The following GPBP1L1 variants were observed in gnomAD, a reference collection of about 807,000 sequenced individuals.
GPBP1L1 encodes the protein vasculin-like protein 1.
Under a neutral mutation model 52.5 loss-of-function variants are expected in GPBP1L1, and 23 were observed. The ratio of observed to expected loss-of-function variants is 0.44; its 90% CI spans 0.32 to 0.62. GPBP1L1 has a LOEUF of 0.62. Among genes scored for constraint, GPBP1L1 ranks in the 20% least tolerant of loss-of-function variants. The pLI, the probability that GPBP1L1 is intolerant of heterozygous loss-of-function variation, is 0.06. For missense variants in GPBP1L1, 596 were observed against 579.3 expected, an observed-to-expected ratio of 1.03 and a Z score of -0.30; for synonymous variants, 243 against 203.1, an observed-to-expected ratio of 1.20 and a Z score of -1.67.
At chr1:45,660,162 T>C in intron 3 of GPBP1L1, 22 bp downstream of exon 3, 2 of 983,278 alleles carry the variant, frequency 2.0e-6, no homozygotes, top group Non-Finnish European at 2.4e-6. Flanking sequence ...CTTTCCAAGT[T>C]AGACATATGG....
Position 45,655,313 on chromosome 1 carries a change from T to C in GPBP1L1, c.67A>G (p.Thr23Ala), listed in dbSNP as rs771524211. 8 of 1,613,968 alleles carry C rather than the reference T, an allele frequency of 5.0e-6. No homozygotes were observed. In the South Asian group the frequency reaches 6.6e-5, roughly 13 times the overall value. The change falls in exon 5 of 13, where the codon ACT (threonine) becomes GCT (alanine). Residue 23 changes from threonine (T) to alanine (A), a missense_variant. Transcript: ENST00000355105. ...FSTPQSAKSP[T>A]ATFEKHGEHL... ...TCTCCGTGTTTTTCGAAGGTGGCAG[T>C]AGGTGACTAAGATGATGAAGTATGG...
At chr1:45,645,782 T>TTTTTG in intron 6 of GPBP1L1, 5 of 363,624 alleles carry the variant, frequency 1.4e-5, no homozygotes, top group South Asian at 6.6e-5. Context: ...TTTTTTTTTT[T>TTTTTG]GAGGCATTTT....
At chr1:45,635,367 T>C (rs1644580769) in intron 8 of GPBP1L1, 1 of 152,172 alleles carries the variant, frequency 6.6e-6, no homozygotes, top group Non-Finnish European at 1.5e-5. Flanking sequence ...AATCTAAAGA[T>C]GGTTGCTTGT....
intron 2 of GPBP1L1, among the ~76,000 whole-genome samples, chr1:45,683,554 C>G (rs1645238815): frequency 1.3e-5 from 2 of 149,976 alleles, no homozygotes; most frequent in Non-Finnish European, 3.0e-5. Flanking sequence ...GACTCCTTTT[C>G]CTCAACTACA....
Position 45,654,780 on chromosome 1 carries a change from A to C in GPBP1L1, c.240T>G (p.Gly80=). 1 of 1,614,132 alleles carries C rather than the reference A, an allele frequency of 6.2e-7. No individual in the cohort carries two copies. Among genetic ancestry groups the C allele is most frequent in the Non-Finnish European group, 8.5e-7 (1 of 1,180,016 alleles). Reference sequence around the variant, plus strand: ...TTCCAGCATATGCTCCCTTAGAGACACCAGAGTCCACAGAATCATGGCGGA... The same window carrying C: ...TTCCAGCATATGCTCCCTTAGAGACCCCAGAGTCCACAGAATCATGGCGGA... ...SLFRHDSVDS[G]VSKGAYAGIT... is the part of the protein sequence containing the mutation. Residue 80 remains glycine, a synonymous_variant, in exon 6 of 13, where the codon GGT becomes GGG. Transcript: ENST00000355105.
chr1:45,655,452 GA>G, intron 4 of GPBP1L1, 133 bp from the exon 5 acceptor site: 1 of 949,488 alleles, frequency 1.1e-6, no homozygotes, highest in African/African-American at 1.7e-5. Flanking sequence ...TAAGCATATG[GA>G]CCCTAAGGGT....
At chr1:45,677,987 A>G (rs1645167026) in intron 2 of GPBP1L1, among the ~76,000 whole-genome samples, 1 of 152,222 alleles carries the variant, frequency 6.6e-6, no homozygotes, top group Non-Finnish European at 1.5e-5. Flanking sequence ...ACCCATGACC[A>G]CAAGAAATTC....
intron 8 of GPBP1L1, among the ~76,000 whole-genome samples, chr1:45,639,545 A>C (rs1644641552): frequency 6.7e-6 from 1 of 149,998 alleles, no homozygotes; most frequent in Non-Finnish European, 1.5e-5. Context: ...TGGGCAACAA[A>C]ATGAGATTCT....
At chr1:45,645,918 T>C (rs12756941) in intron 6 of GPBP1L1, 3 of 496,128 alleles carry the variant, frequency 6.0e-6, no homozygotes, top group East Asian at 5.4e-5. Flanking sequence ...AGTCAAATGG[T>C]TGGGATAGAA....
chr1:45,654,948 A>G (rs367606696), intron 5 of GPBP1L1, 119 bp from the exon 6 acceptor site: 10 of 1,105,478 alleles, frequency 9.0e-6, no homozygotes, highest in Non-Finnish European at 1.3e-5. Context: ...AAAATAAAAA[A>G]ATGTATCTTT....
At position 45,628,155 on chromosome 1, in the gene GPBP1L1, G is replaced by T; in HGVS notation, c.*101C>A. On this transcript the variant is annotated 3_prime_UTR_variant, in exon 13 of 13. Transcript: ENST00000355105. ...TATGATTATTTCCCTTGTGAATGAAGTATTCAACAACATAAGAAAAGGAAA... is the reference window on the plus strand; with the variant it reads ...TATGATTATTTCCCTTGTGAATGAATTATTCAACAACATAAGAAAAGGAAA... The T allele has an allele frequency of 9.1e-7, 1 of 1,094,032 alleles. No homozygotes were observed. Among genetic ancestry groups the T allele is most frequent in the Non-Finnish European group, 1.3e-6 (1 of 746,912 alleles). The allele number at this position is 1,094,032 out of a possible 1,614,324, so 67.8% of individuals were successfully genotyped here. A position where few individuals can be genotyped will look rare whatever the true frequency, so the allele number is the denominator to read the frequency against.
chr1:45,649,221 T>A (rs1171117896), intron 6 of GPBP1L1, among the ~76,000 whole-genome samples: 1 of 152,212 alleles, frequency 6.6e-6, no homozygotes, highest in Non-Finnish European at 1.5e-5. Context: ...CAGGACTTGA[T>A]GCCACTTACC....
chr1:45,654,531 A>AT lies in GPBP1L1; in HGVS notation c.477+11dup. 6.3e-7 allele frequency: 1 copy of AT among 1,599,830 alleles called. No homozygotes were observed. Among genetic ancestry groups the AT allele is most frequent in the Non-Finnish European group, 8.5e-7 (1 of 1,170,254 alleles). On this transcript the variant is annotated intron_variant, in intron 6 of 12. Coordinates refer to ENST00000355105, the MANE Select transcript of GPBP1L1 (RefSeq NM_021639.5). ...TTGGCTTCTAACCACACATCTAAAG[A>AT]TTCATACTTACAAAGTCCTCCTCTT...
Position 45,660,518 on chromosome 1 carries a change from C to T in GPBP1L1, c.-390G>A, listed in dbSNP as rs1644936140. 2 of 983,944 alleles carry T rather than the reference C, an allele frequency of 2.0e-6. No individual in the cohort carries two copies. The highest frequency in any genetic ancestry group is 2.4e-6 in the Non-Finnish European group (2 of 828,734). 61.0% of individuals were successfully genotyped at this position (983,944 alleles called of 1,614,324 possible). The stretch of plus-strand genomic sequence containing the variant: ...CTCATTCAACTTCCTTGAGTTATGG[C>T]ACTATGATGTTGCTTAATTAGGTAA... On this transcript the variant is annotated 5_prime_UTR_variant, in exon 3 of 13. Coordinates refer to ENST00000355105, the MANE Select transcript of GPBP1L1 (RefSeq NM_021639.5).
chr1:45,642,525 T>C lies in GPBP1L1; in HGVS notation c.478-26A>G, dbSNP rs745941799. The stretch of plus-strand genomic sequence containing the variant: ...CTAGGAAAAAAGGGATATGAATGGT[T>C]GATACAGAAAGCTGATCATTTTGGC... On this transcript the variant is annotated intron_variant, in intron 6 of 12. Coordinates refer to ENST00000355105, the MANE Select transcript of GPBP1L1 (RefSeq NM_021639.5). 25 of 1,584,806 alleles carry C rather than the reference T, an allele frequency of 1.6e-5. No individual in the cohort carries two copies. The Middle Eastern group carries it at 8.3e-4, about 53-fold the overall frequency.
At chr1:45,628,899 TCATCTGCCTGCCTCGG>T (rs1197476753) in intron 12 of GPBP1L1, among the ~76,000 whole-genome samples, 2 of 152,184 alleles carry the variant, frequency 1.3e-5, no homozygotes, top group Non-Finnish European at 2.9e-5. Flanking sequence ...CCTGACCTCG[TCATCTGCCTGCCTCGG>T]CCTCCCAAAG....
chr1:45,646,048 C>A, intron 6 of GPBP1L1: 1 of 498,336 alleles, frequency 2.0e-6, no homozygotes. Context: ...TCAATGATTT[C>A]AAATTTGCCA....
rs774052159 is a variant in GPBP1L1 at position 45,633,513 on chromosome 1, A to C, written c.1020T>G (p.Asn340Lys). Reference sequence around the variant, plus strand: ...CATCTTCCAGCTTGTCACAGTCTCTATTCTCTGAGAAGTCTCCATTCCGGT... The same window carrying C: ...CATCTTCCAGCTTGTCACAGTCTCTCTTCTCTGAGAAGTCTCCATTCCGGT... ...KDDRNGDFSENRDCDKLEDLE... is the reference protein window; with the variant it reads ...KDDRNGDFSEKRDCDKLEDLE... Residue 340 changes from asparagine to lysine, a missense_variant, in exon 10 of 13, where the codon AAT becomes AAG. Transcript: ENST00000355105. 1.9e-6 allele frequency: 3 copies of C among 1,614,022 alleles called. No individual in the cohort carries two copies. Among genetic ancestry groups the C allele is most frequent in the Middle Eastern group, 3.3e-4 (2 of 6,060 alleles).
intron 12 of GPBP1L1, 105 bp downstream of exon 12, chr1:45,629,471 C>CCCCCCCA (rs374105264): frequency 2.8e-4 from 41 of 144,314 alleles, no homozygotes; most frequent in African/African-American, 5.9e-4. Context: ...CCCCCCCACC[C>CCCCCCCA]GATCTTTCTC....
Sources: allele counts gnomAD v4.1 joint callset (sites outside exome capture counted in the v4.1 genomes callset), GRCh38; gene constraint gnomAD v4.1.1; transcripts MANE v1.5; gene names NCBI Gene and HGNC (gene_info 2026-07-23, HGNC 2026-07-21).